Variants in DECR2 observed in about 807,000 individuals in gnomAD.
DECR2 encodes 2,4-dienoyl-CoA reductase 2.
DECR2 carries 34 observed loss-of-function variants against 29.2 expected under a neutral mutation model. The observed-to-expected ratio is 1.16, with a 90% confidence interval of 0.89 to 1.55. The LOEUF is 1.55. Among genes scored for constraint, DECR2 ranks in the 40% most tolerant of loss-of-function variants. DECR2 has a pLI of 0.00. For missense variants in DECR2, 485 were observed against 425.3 expected, an observed-to-expected ratio of 1.14 and a Z score of -1.23; for synonymous variants, 224 against 182.7, an observed-to-expected ratio of 1.23 and a Z score of -1.82.
chr16:404,619 T>C (rs2141805116), intron 1 of DECR2, among the ~76,000 whole-genome samples: 1 of 151,904 alleles, frequency 6.6e-6, no homozygotes, highest in Non-Finnish European at 1.5e-5. Context: ...TTATTTATTT[T>C]TATTTTATTT....
chr16:401,905 G>A lies in DECR2; in HGVS notation c.-59G>A. The A allele has an allele frequency of 2.1e-6, 3 of 1,403,762 alleles. No homozygotes were observed. Among genetic ancestry groups the A allele is most frequent in the East Asian group, 3.1e-5 (1 of 32,426 alleles). The allele number at this position is 1,403,762 out of a possible 1,614,324, so 87.0% of individuals were successfully genotyped here. On this transcript the variant is annotated 5_prime_UTR_variant, in exon 1 of 9. Transcript: ENST00000219481. ...CAGGCGAGTTCGCAGCTGCGCGCCGGGTCCTGGAGGCCGAGGCCGCTCCCG... is the reference window on the plus strand; with the variant it reads ...CAGGCGAGTTCGCAGCTGCGCGCCGAGTCCTGGAGGCCGAGGCCGCTCCCG...
intron 1 of DECR2, among the ~76,000 whole-genome samples, chr16:404,480 TC>T (rs1255803271): frequency 6.6e-6 from 1 of 151,996 alleles, no homozygotes; most frequent in African/African-American, 2.4e-5. Context: ...CCTCAGGTGA[TC>T]CGCCCGCCTT....
chr16:405,557 G>C, intron 2 of DECR2: 1 of 1,304,728 alleles, frequency 7.7e-7, no homozygotes, highest in African/African-American at 1.5e-5. Context: ...AGTGGGACCT[G>C]CCTAGCAGGG....
At position 401,908 on chromosome 16, in the gene DECR2, C is replaced by A; in HGVS notation, c.-56C>A. 1 of 1,436,784 alleles carries A rather than the reference C, an allele frequency of 7.0e-7. No individual in the cohort carries two copies. Among genetic ancestry groups the A allele is most frequent in the South Asian group, 1.3e-5 (1 of 74,130 alleles). The allele number at this position is 1,436,784 out of a possible 1,614,324, so 89.0% of individuals were successfully genotyped here. On this transcript the variant is annotated 5_prime_UTR_variant, in exon 1 of 9. Transcript: ENST00000219481. ...GCGAGTTCGCAGCTGCGCGCCGGGT[C>A]CTGGAGGCCGAGGCCGCTCCCGCCC...
In DECR2 at chr16:407,985, G is replaced by C. The variant is rs868320897; in HGVS notation, c.337+425G>C. ...TCTGTCTCCGGCCCCCTGTCTCCGG[G>C]CCCCTGTCTCCGGGCCTCTGTCTCC... On this transcript the variant is annotated intron_variant, in intron 4 of 8. Transcript: ENST00000219481. Among the ~76,000 whole-genome samples the C allele has an allele frequency of 7.6e-4, 54 of 70,808 alleles. 1 individual carries two copies. Among genetic ancestry groups the C allele is most frequent in the African/African-American group, 2.9e-3 (43 of 14,992 alleles). 46.5% of individuals were successfully genotyped at this position (70,808 alleles called of 152,430 possible).
intron 1 of DECR2, among the ~76,000 whole-genome samples, chr16:404,188 T>A (rs186392196): frequency 0.011 from 1,607 of 151,034 alleles, 11 homozygotes; most frequent in Non-Finnish European, 0.014. Flanking sequence ...AAATAAAAAA[T>A]AAATAAATAA....
chr16:405,310 G>A, intron 2 of DECR2: 1 of 570,816 alleles, frequency 1.8e-6, no homozygotes, highest in Non-Finnish European at 3.1e-6. Flanking sequence ...CTGGCGCCCT[G>A]CAGAGCACAT....
Position 412,000 on chromosome 16 carries a change from G to A in DECR2, c.*111G>A, listed in dbSNP as rs1319663988. 3 of 170,714 alleles carry A rather than the reference G, an allele frequency of 1.8e-5. No homozygotes were observed. Among genetic ancestry groups the A allele is most frequent in the African/African-American group, 2.4e-5 (1 of 42,046 alleles). 10.6% of individuals were successfully genotyped at this position (170,714 alleles called of 1,614,324 possible). A position where few individuals can be genotyped will look rare whatever the true frequency, so the allele number is the denominator to read the frequency against. On this transcript the variant is annotated 3_prime_UTR_variant, in exon 9 of 9. Transcript: ENST00000219481. Reference sequence around the variant, plus strand: ...CTCCTCTGAACACTCAGCTATTACTGCGCTTTCCCTCCCCACGGCCCCAAC... The same window carrying A: ...CTCCTCTGAACACTCAGCTATTACTACGCTTTCCCTCCCCACGGCCCCAAC...
chr16:405,572 C>T (rs1381271615), intron 2 of DECR2: 2 of 1,304,516 alleles, frequency 1.5e-6, no homozygotes, highest in Admixed American at 4.6e-5. Context: ...GCAGGGGTAG[C>T]TACCTTTATG....
intron 1 of DECR2, among the ~76,000 whole-genome samples, chr16:402,420 C>G (rs2054678480): frequency 6.6e-6 from 1 of 152,116 alleles, no homozygotes; most frequent in Admixed American, 6.5e-5. Context: ...CAGGCGTGAG[C>G]CACCGCGCCC....
Position 405,725 on chromosome 16 carries a change from G to T in DECR2, c.150-621G>T. ...AGTCTTGGGTGGCTGTGAGACGGGCGTCTCCATGCTGTTACCCCCAGGCCC... is the reference window on the plus strand; with the variant it reads ...AGTCTTGGGTGGCTGTGAGACGGGCTTCTCCATGCTGTTACCCCCAGGCCC... On this transcript the variant is annotated intron_variant, in intron 2 of 8. Coordinates refer to ENST00000219481, the MANE Select transcript of DECR2 (RefSeq NM_020664.4). The T allele has an allele frequency of 6.0e-6, 4 of 668,004 alleles. No homozygotes were observed. The Admixed American group carries it at 7.2e-5, about 12-fold the overall frequency. The allele number at this position is 668,004 out of a possible 1,614,324, so 41.4% of individuals were successfully genotyped here.
chr16:405,181 C>T (rs998917955), intron 2 of DECR2, 157 bp downstream of exon 2: 7 of 852,594 alleles, frequency 8.2e-6, no homozygotes, highest in South Asian at 1.7e-5. Flanking sequence ...GGGGAGCGGT[C>T]GAGGATTGCC....
intron 4 of DECR2, among the ~76,000 whole-genome samples, chr16:408,234 C>CGGGCCTCTGTCTCCGGCCCCCTGTCTCT (rs2054764981): frequency 1.4e-5 from 2 of 145,460 alleles, no homozygotes; most frequent in African/African-American, 5.1e-5. Context: ...CCTCTGTCTC[C>CGGGCCTCTGTCTCCGGCCCCCTGTCTCT]GGGCCTCTGT....
intron 8 of DECR2, 87 bp from the exon 9 acceptor site, chr16:411,803 C>G: frequency 2.0e-6 from 1 of 503,520 alleles, no homozygotes. Context: ...GCCGGCATTT[C>G]TGGCAGGTGC....
intron 4 of DECR2, among the ~76,000 whole-genome samples, chr16:408,248 C>T (rs1193536122): frequency 1.9e-4 from 28 of 147,364 alleles, no homozygotes; most frequent in Admixed American, 1.7e-3. Flanking sequence ...CCTCTGTCTC[C>T]GGCCCCCTGT....
At chr16:402,773 C>G (rs1640216485) in intron 1 of DECR2, among the ~76,000 whole-genome samples, 3 of 151,924 alleles carry the variant, frequency 2.0e-5, no homozygotes, top group Admixed American at 1.3e-4. Flanking sequence ...CACCAGAGGT[C>G]AGGAGTTCGA....
rs992771632 is a variant in DECR2 at position 410,531 on chromosome 16, C to T, written c.463-160C>T. ...CCCTGACGGCCGCCCGCTCCCTGCC[C>T]TGGGCCTCCCCATGACGGCCGCCCG... On this transcript the variant is annotated intron_variant, in intron 5 of 8. Transcript: ENST00000219481. This position sits in a 1 kb window ranked among gnomAD's most constrained non-coding sequence, Gnocchi z 4.1. 7.3e-7 allele frequency: 1 copy of T among 1,361,076 alleles called. No individual in the cohort carries two copies. Among genetic ancestry groups the T allele is most frequent in the Non-Finnish European group, 1.0e-6 (1 of 992,458 alleles). The allele number at this position is 1,361,076 out of a possible 1,614,324, so 84.3% of individuals were successfully genotyped here.
chr16:410,791 C>G lies in DECR2; in HGVS notation c.556+7C>G. The stretch of plus-strand genomic sequence containing the variant: ...TCCGCCAAGGCCGCTGTGGGTATGA[C>G]CACCCCCCCCCGCCCAGGTTTGCCC... On this transcript the variant is annotated splice_region_variant and intron_variant, in intron 6 of 8. Transcript: ENST00000219481. The surrounding 1 kb of genome is among the most constrained non-coding windows in gnomAD (Gnocchi z 4.1). The G allele has an allele frequency of 6.3e-7, 1 of 1,577,176 alleles. No individual in the cohort carries two copies. Among genetic ancestry groups the G allele is most frequent in the South Asian group, 1.2e-5 (1 of 86,570 alleles).
In DECR2 at chr16:407,576, G is replaced by A; in HGVS notation, c.337+16G>A. 5.0e-6 allele frequency: 8 copies of A among 1,613,240 alleles called. No individual in the cohort carries two copies. The highest frequency in any genetic ancestry group is 5.9e-6 in the Non-Finnish European group (7 of 1,179,410). On this transcript the variant is annotated intron_variant, in intron 4 of 8. Transcript: ENST00000219481. ...CTCATTAACTGTGAGTCGGTGCTGA[G>A]TGAGGTTGGTGGCTTCTCACAGGTT... is the stretch of plus-strand genomic sequence containing the variant.
Sources: allele counts gnomAD v4.1 joint callset (sites outside exome capture counted in the v4.1 genomes callset), GRCh38; gene constraint gnomAD v4.1.1; non-coding constraint Gnocchi (gnomAD v3.1); transcripts MANE v1.5; gene names NCBI Gene and HGNC (gene_info 2026-07-23, HGNC 2026-07-21).